Variants in MME observed in about 807,000 individuals in gnomAD.
The protein encoded by MME is neprilysin.
In MME, 98 loss-of-function variants were observed where a neutral mutation model predicts 113.2. That is an observed-to-expected ratio of 0.87 (90% confidence interval 0.74 to 1.02). MME has a LOEUF of 1.02. MME is among the 50% of genes least tolerant of loss of function. The pLI, the probability that MME is intolerant of heterozygous loss-of-function variation, is 0.00. For missense variants in MME, 836 were observed against 896.0 expected (o/e 0.93, Z 0.86); for synonymous variants, 292 against 300.6 (o/e 0.97, Z 0.30).
chr3:155,101,693 C>T (rs1312767277), intron 3 of MME, among the ~76,000 whole-genome samples: 2 of 152,180 alleles, frequency 1.3e-5, no homozygotes, highest in Admixed American at 6.5e-5. Flanking sequence ...GATCAACACA[C>T]ACCATCTGCT....
Position 155,060,782 on chromosome 3 carries a change from T to C in MME, c.-10-23376T>C, listed in dbSNP as rs192843371. ...GTTCTTAGTGAGGGCCCTTTTTTCC[T>C]GTTTATGTTCTCACCTGGATTTCCT... On this transcript the variant is annotated intron_variant, in intron 1 of 22. Transcript: ENST00000492661. Among the ~76,000 whole-genome samples, 56 of 152,190 alleles carry C rather than the reference T, an allele frequency of 3.7e-4. No homozygotes were observed. In the East Asian group the frequency reaches 4.1e-3, roughly 11 times the overall value.
At chr3:155,168,892 T>C (rs1042503119) in intron 20 of MME, 95 bp downstream of exon 20, 6 of 1,038,994 alleles carry the variant, frequency 5.8e-6, no homozygotes, top group Non-Finnish European at 8.7e-6. Context: ...AAGAAACTCA[T>C]ATAAGCAGTA....
At chr3:155,035,147 G>A (rs771732870) in intron 1 of MME, among the ~76,000 whole-genome samples, 29 of 151,602 alleles carry the variant, frequency 1.9e-4, no homozygotes, top group African/African-American at 4.8e-4. Flanking sequence ...GGAAAAATAC[G>A]TGTGTGTGTG....
chr3:155,039,768 A>G (rs367772648), intron 1 of MME, among the ~76,000 whole-genome samples: 2 of 152,178 alleles, frequency 1.3e-5, no homozygotes, highest in African/African-American at 4.8e-5. Flanking sequence ...AAAAAAAAGT[A>G]AGTATAAAAT....
chr3:155,080,916 T>TA (rs1393051677), intron 1 of MME: 1 of 152,196 alleles, frequency 6.6e-6, no homozygotes, highest in Non-Finnish European at 1.5e-5. Flanking sequence ...TCTAGCACTT[T>TA]AAAAAATTGT....
chr3:155,049,993 C>T (rs1023371882), intron 1 of MME, among the ~76,000 whole-genome samples: 1 of 152,120 alleles, frequency 6.6e-6, no homozygotes, highest in Non-Finnish European at 1.5e-5. Context: ...CGAACCTTCA[C>T]TTCCAAGTAG....
At chr3:155,076,047 C>T (rs1714737515), upstream of MME, among the ~76,000 whole-genome samples, 1 of 152,094 alleles carries the variant, frequency 6.6e-6, no homozygotes, top group South Asian at 2.1e-4. Context: ...CAAGAAGTTC[C>T]TTTGGTTACA....
intron 1 of MME, among the ~76,000 whole-genome samples, chr3:155,055,384 G>A (rs1485692161): frequency 1.3e-5 from 2 of 152,182 alleles, no homozygotes; most frequent in Non-Finnish European, 2.9e-5. Flanking sequence ...GATCACTTGA[G>A]GTTAGGAGTT....
intron 3 of MME, among the ~76,000 whole-genome samples, chr3:155,088,572 A>G (rs1212159947): frequency 6.6e-6 from 1 of 151,662 alleles, no homozygotes; most frequent in African/African-American, 2.4e-5. Context: ...AATTCCAGCT[A>G]CTCAGGAGGC....
At chr3:155,149,160 T>G (rs1285994173) in intron 16 of MME, among the ~76,000 whole-genome samples, 1 of 152,226 alleles carries the variant, frequency 6.6e-6, no homozygotes. Flanking sequence ...AGTCTTCTTA[T>G]GCTCTTAATC....
In MME at chr3:155,148,567, T is replaced by G. The variant is rs1041840058; in HGVS notation, c.1515T>G (p.Asp505Glu). ...NEYLELNYKE[D>E]EYFENIIQNL... ...TAATACAGTTGAACTACAAAGAAGA[T>G]GAATACTTCGAGAACATAATTCAAA... is the stretch of plus-strand genomic sequence containing the variant. Residue 505 changes from aspartate (D) to glutamate (E), a missense_variant, in exon 16 of 23, where the codon GAT becomes GAG. By Grantham distance (45) the Asp-to-Glu change is conservative (BLOSUM62 2). Coordinates refer to ENST00000360490, the MANE Select transcript of MME (RefSeq NM_007289.4). 35 of 1,607,258 alleles carry G rather than the reference T, an allele frequency of 2.2e-5. No individual in the cohort carries two copies. The highest frequency in any genetic ancestry group is 3.0e-5 in the Non-Finnish European group (35 of 1,174,244).
At chr3:155,063,174 A>G (rs1367695984) in intron 1 of MME, among the ~76,000 whole-genome samples, 1 of 129,770 alleles carries the variant, frequency 7.7e-6, no homozygotes, top group East Asian at 2.1e-4. Flanking sequence ...TATATATATT[A>G]TATACTTTGT....
rs753143183 is a variant in MME, at chr3:155,166,980, T to C, written c.1739T>C (p.Met580Thr). Residue 580 changes from methionine to threonine, a missense_variant, in exon 18 of 23, where the codon ATG (methionine) becomes ACG (threonine). By Grantham distance (81) the Met-to-Thr change is moderately conservative (BLOSUM62 -1). Transcript: ENST00000360490. Reference sequence around the variant, plus strand: ...TCATTGAACTATGGGGGCATCGGCATGGTCATAGGACACGAAATCACCCAT... The same window carrying C: ...TCATTGAACTATGGGGGCATCGGCACGGTCATAGGACACGAAATCACCCAT... ...SNSLNYGGIG[M>T]VIGHEITHGF... The C allele has an allele frequency of 5.0e-6, 8 of 1,613,784 alleles. No homozygotes were observed. The South Asian group carries it at 8.8e-5, about 18-fold the overall frequency.
chr3:155,109,805 T>C (rs1718034084), intron 3 of MME, among the ~76,000 whole-genome samples: 1 of 152,228 alleles, frequency 6.6e-6, no homozygotes, highest in African/African-American at 2.4e-5. Context: ...GGTTGACAAG[T>C]ACTGTCCTAA....
At chr3:155,083,075 T>C (rs1363345227) in intron 1 of MME, among the ~76,000 whole-genome samples, 1 of 152,222 alleles carries the variant, frequency 6.6e-6, no homozygotes, top group Non-Finnish European at 1.5e-5. Flanking sequence ...GGAGACTGGC[T>C]GATAAAGTGT....
intron 1 of MME, among the ~76,000 whole-genome samples, chr3:155,061,841 G>T (rs1402494859): frequency 6.6e-6 from 1 of 151,582 alleles, no homozygotes; most frequent in African/African-American, 2.4e-5. Context: ...TTGTATTTTC[G>T]GTAGACACAG....
intron 3 of MME, among the ~76,000 whole-genome samples, chr3:155,108,317 C>T (rs537223765): frequency 8.1e-4 from 123 of 152,144 alleles, no homozygotes; most frequent in African/African-American, 2.8e-3. Flanking sequence ...TAAACTGGGC[C>T]GGGTGTGGTG....
chr3:155,172,935 C>T lies in MME; in HGVS notation c.2153+323C>T, dbSNP rs550328878. ...CTAGAACAAAGATATTTCTAAGAGGCTGTGAATGGTTTAGGCCCAGACCCA... is the reference window on the plus strand; with the variant it reads ...CTAGAACAAAGATATTTCTAAGAGGTTGTGAATGGTTTAGGCCCAGACCCA... On this transcript the variant is annotated intron_variant, in intron 22 of 22. Coordinates refer to ENST00000360490, the MANE Select transcript of MME (RefSeq NM_007289.4). Among the ~76,000 whole-genome samples, 3 of 152,108 alleles carry T rather than the reference C, an allele frequency of 2.0e-5. No individual in the cohort carries two copies. The South Asian group carries it at 6.2e-4, about 32-fold the overall frequency.
intron 17 of MME, 116 bp downstream of exon 17, chr3:155,160,564 T>C: frequency 1.4e-6 from 1 of 726,548 alleles, no homozygotes; most frequent in Non-Finnish European, 2.5e-6. Context: ...GAGTTATTGC[T>C]CTATTGAATG....
Sources: allele counts gnomAD v4.1 joint callset (sites outside exome capture counted in the v4.1 genomes callset), GRCh38; gene constraint gnomAD v4.1.1; transcripts MANE v1.5; gene names NCBI Gene and HGNC (gene_info 2026-07-23, HGNC 2026-07-21).